The following PDE10A variants were observed in gnomAD, a reference collection of about 807,000 sequenced individuals.
PDE10A encodes the protein phosphodiesterase 10A.
Under a neutral mutation model 97.7 loss-of-function variants are expected in PDE10A, and 39 were observed. That is an observed-to-expected ratio of 0.40 (90% CI 0.31 to 0.52). The LOEUF is 0.52. PDE10A is among the 20% of genes least tolerant of loss of function. PDE10A has a pLI of 0.56. For synonymous variants in PDE10A, 371 were observed against 376.8 expected (o/e 0.98, Z 0.18); for missense variants, 731 against 1,047.8 (o/e 0.70, Z 4.17).
At chr6:165,846,472 G>A (rs552784307) in intron 1 of PDE10A, among the ~76,000 whole-genome samples, 12 of 152,358 alleles carry the variant, frequency 7.9e-5, no homozygotes, top group African/African-American at 1.4e-4. Context: ...TGTGAAGGCC[G>A]GCGTGAGCCT....
intron 17 of PDE10A, among the ~76,000 whole-genome samples, chr6:165,380,986 G>A (rs1333727834): frequency 6.6e-6 from 1 of 152,212 alleles, no homozygotes; most frequent in African/African-American, 2.4e-5. Flanking sequence ...CTTTCAGCAG[G>A]TCATGTGAAG....
At chr6:165,378,703 C>T (rs1052641975) in intron 18 of PDE10A, among the ~76,000 whole-genome samples, 35 of 152,306 alleles carry the variant, frequency 2.3e-4, no homozygotes, top group Non-Finnish European at 2.8e-4. Context: ...TGGCTTTCTA[C>T]CCCATGGGAT....
chr6:165,688,688 A>G (rs1307009022), intron 1 of PDE10A, among the ~76,000 whole-genome samples: 2 of 152,256 alleles, frequency 1.3e-5, no homozygotes, highest in African/African-American at 4.8e-5. Context: ...AAGAACAGTG[A>G]CTATGTTATG....
At chr6:165,594,190 C>A (rs1786447042) in intron 1 of PDE10A, among the ~76,000 whole-genome samples, 1 of 152,132 alleles carries the variant, frequency 6.6e-6, no homozygotes, top group Admixed American at 6.5e-5. Context: ...TACCATTTCC[C>A]ACTGAACAGA....
chr6:165,659,399 T>C (rs4709084), intron 1 of PDE10A, among the ~76,000 whole-genome samples: 13,868 of 152,176 alleles, frequency 0.091, 1,306 homozygotes, highest in East Asian at 0.32. Context: ...ACGATACATA[T>C]CAGAAAAATC....
intron 3 of PDE10A, among the ~76,000 whole-genome samples, chr6:165,468,479 T>C (rs1265944700): frequency 6.6e-6 from 1 of 152,206 alleles, no homozygotes; most frequent in East Asian, 1.9e-4. Context: ...CATAACTTTA[T>C]ATGCGCTGAG....
At chr6:165,432,891 G>A in intron 7 of PDE10A, 83 bp downstream of exon 7, 1 of 916,346 alleles carries the variant, frequency 1.1e-6, no homozygotes, top group Non-Finnish European at 1.7e-6. Context: ...TTTCAGTTTA[G>A]TATTACTTAG....
At chr6:165,525,194 G>A (rs1782361458) in intron 2 of PDE10A, among the ~76,000 whole-genome samples, 1 of 152,062 alleles carries the variant, frequency 6.6e-6, no homozygotes, top group Admixed American at 6.6e-5. Flanking sequence ...TGAACTGTTT[G>A]AGTTATCTAA....
rs182826693 is a variant in PDE10A, at chr6:165,883,046, G to C, written c.-615+104483C>G. On this transcript the variant is annotated intron_variant, in intron 1 of 19. Transcript: ENST00000366882. ...AGGTCAGGAGTTTGAGACCAGCTTGGCCAAAATGGTGAAACCCCATCTCTA... is the reference window on the plus strand; with the variant it reads ...AGGTCAGGAGTTTGAGACCAGCTTGCCCAAAATGGTGAAACCCCATCTCTA... Among the ~76,000 whole-genome samples, 595 of 152,196 alleles carry C rather than the reference G, an allele frequency of 3.9e-3. 4 individuals carry two copies. Among genetic ancestry groups the C allele is most frequent in the African/African-American group, 0.014 (567 of 41,526 alleles).
chr6:165,456,953 A>G (rs1777989041), intron 3 of PDE10A, among the ~76,000 whole-genome samples: 1 of 152,222 alleles, frequency 6.6e-6, no homozygotes, highest in Admixed American at 6.5e-5. Flanking sequence ...GTAAAATGTA[A>G]AATTACATGC....
intron 3 of PDE10A, among the ~76,000 whole-genome samples, chr6:165,479,351 C>T (rs770390133): frequency 6.6e-6 from 1 of 152,168 alleles, no homozygotes; most frequent in African/African-American, 2.4e-5. Flanking sequence ...TCCATTCCAA[C>T]CTTATTTCTT....
At chr6:165,814,512 T>G (rs972651859) in intron 1 of PDE10A, among the ~76,000 whole-genome samples, 3 of 152,228 alleles carry the variant, frequency 2.0e-5, no homozygotes, top group Admixed American at 6.5e-5. Context: ...TTACTTTTGA[T>G]AAATTATTTC....
At chr6:165,658,375 T>C (rs1447451473) in intron 1 of PDE10A, among the ~76,000 whole-genome samples, 1 of 152,156 alleles carries the variant, frequency 6.6e-6, no homozygotes, top group Non-Finnish European at 1.5e-5. Context: ...CATTCACCAT[T>C]TTTTTTCCCA....
At chr6:165,354,784 A>G (rs1043046073) in intron 18 of PDE10A, among the ~76,000 whole-genome samples, 1 of 152,166 alleles carries the variant, frequency 6.6e-6, no homozygotes, top group Non-Finnish European at 1.5e-5. Context: ...AATGGTGAGG[A>G]GAAGAGAAAG....
intron 1 of PDE10A, among the ~76,000 whole-genome samples, chr6:165,591,879 C>T (rs1003872141): frequency 2.0e-5 from 3 of 152,136 alleles, no homozygotes; most frequent in Non-Finnish European, 2.9e-5. Context: ...TATTATATGT[C>T]CATCCCAGAA....
At chr6:165,451,985 T>A (rs1268179417) in intron 3 of PDE10A, among the ~76,000 whole-genome samples, 1 of 152,184 alleles carries the variant, frequency 6.6e-6, no homozygotes, top group Non-Finnish European at 1.5e-5. Flanking sequence ...CTGGTATATA[T>A]TCAAAGGCTT....
intron 18 of PDE10A, among the ~76,000 whole-genome samples, chr6:165,347,205 C>G (rs1782372772): frequency 6.6e-6 from 1 of 151,868 alleles, no homozygotes; most frequent in Non-Finnish European, 1.5e-5. Context: ...AAAATGTGAC[C>G]TATTTTGAGT....
chr6:165,359,751 A>G (rs569235386), intron 18 of PDE10A, among the ~76,000 whole-genome samples: 2 of 152,090 alleles, frequency 1.3e-5, no homozygotes, highest in East Asian at 1.9e-4. Flanking sequence ...AGGGCCAGAT[A>G]GTAAATACTT....
At position 165,697,636 on chromosome 6, in the gene PDE10A, C is replaced by T. The variant is rs1362220370; in HGVS notation, c.-614-154068G>A. Among the ~76,000 whole-genome samples, 4 of 152,068 alleles carry T rather than the reference C, an allele frequency of 2.6e-5. No homozygotes were observed. In the East Asian group the frequency reaches 7.7e-4, roughly 29 times the overall value. On this transcript the variant is annotated intron_variant, in intron 1 of 19. Coordinates refer to the PDE10A transcript ENST00000366882. ...TAAATAGAAAAGTACTATACAAGTTCATTTATATGAGGTTCCTAGAGTAGT... is the reference window on the plus strand; with the variant it reads ...TAAATAGAAAAGTACTATACAAGTTTATTTATATGAGGTTCCTAGAGTAGT...
Sources: allele counts gnomAD v4.1 joint callset (sites outside exome capture counted in the v4.1 genomes callset), GRCh38; gene constraint gnomAD v4.1.1; transcripts MANE v1.5; gene names NCBI Gene and HGNC (gene_info 2026-07-23, HGNC 2026-07-21).